The following ERC2 variants were observed in gnomAD, a reference collection of about 807,000 sequenced individuals.
ERC2 encodes ELKS/RAB6-interacting/CAST family member 2, also known as ERC protein 2.
ERC2 carries 42 observed loss-of-function variants against 114.8 expected under a neutral mutation model. That is an observed-to-expected ratio of 0.37 (90% CI 0.29 to 0.47). The LOEUF (loss-of-function observed/expected upper bound fraction) is 0.47, where lower values mean the gene tolerates loss of function less well. ERC2 is among the 20% of genes least tolerant of loss of function. The probability of loss-of-function intolerance (pLI) is 0.99; values close to 1 mark genes in which losing one functional copy is unlikely to be tolerated. For missense variants in ERC2, 939 were observed against 1,150.7 expected, an observed-to-expected ratio of 0.82 and a Z score of 2.66; for synonymous variants, 454 against 425.5, an observed-to-expected ratio of 1.07 and a Z score of -0.82.
chr3:56,374,790 A>T (rs1193984414), intron 2 of ERC2, among the ~76,000 whole-genome samples: 5 of 152,222 alleles, frequency 3.3e-5, no homozygotes, highest in Non-Finnish European at 7.3e-5. Flanking sequence ...AGCAGGAGAC[A>T]TCAACAGAGC....
chr3:55,809,489 G>A (rs2059631997), intron 14 of ERC2, among the ~76,000 whole-genome samples: 1 of 152,122 alleles, frequency 6.6e-6, no homozygotes, highest in Non-Finnish European at 1.5e-5. Context: ...TATCTCAGTA[G>A]TATTTGCAAA....
chr3:56,318,578 A>G (rs1437091366), intron 2 of ERC2, among the ~76,000 whole-genome samples: 1 of 151,638 alleles, frequency 6.6e-6, no homozygotes, highest in Non-Finnish European at 1.5e-5. Flanking sequence ...AGGAACTTCT[A>G]CAACTCAAAA....
chr3:56,443,162 T>C (rs2062396098), intron 1 of ERC2, among the ~76,000 whole-genome samples: 1 of 152,196 alleles, frequency 6.6e-6, no homozygotes, highest in Non-Finnish European at 1.5e-5. Flanking sequence ...GGAATACAAG[T>C]CAGCCATTGA....
chr3:56,331,423 CT>C (rs1394126261), intron 2 of ERC2, among the ~76,000 whole-genome samples: 2 of 152,156 alleles, frequency 1.3e-5, no homozygotes, highest in African/African-American at 4.8e-5. Context: ...CCCAATCTCT[CT>C]CCCCCATTAC....
At chr3:55,845,252 C>A (rs2061303792) in intron 14 of ERC2, among the ~76,000 whole-genome samples, 1 of 152,102 alleles carries the variant, frequency 6.6e-6, no homozygotes, top group Admixed American at 6.6e-5. Flanking sequence ...CGCCTGTAAT[C>A]CCAGCACTTT....
intron 2 of ERC2, among the ~76,000 whole-genome samples, chr3:56,432,867 C>T (rs1362824325): frequency 1.3e-5 from 2 of 152,190 alleles, no homozygotes; most frequent in Non-Finnish European, 2.9e-5. Flanking sequence ...ATCACATTCC[C>T]TATGCCCCAG....
At chr3:55,983,378 C>T (rs2070317193) in intron 12 of ERC2, among the ~76,000 whole-genome samples, 1 of 152,154 alleles carries the variant, frequency 6.6e-6, no homozygotes, top group Admixed American at 6.5e-5. Flanking sequence ...TCACGTAAAC[C>T]CTCCCCCGAG....
At chr3:56,276,979 A>G (rs1001769316) in intron 3 of ERC2, among the ~76,000 whole-genome samples, 2 of 152,240 alleles carry the variant, frequency 1.3e-5, no homozygotes, top group Non-Finnish European at 2.9e-5. Context: ...CCGAGGCCAT[A>G]CATGCCCCCA....
Position 56,335,238 on chromosome 3 carries a change from A to G in ERC2, c.658-38803T>C, listed in dbSNP as rs191075758. On this transcript the variant is annotated intron_variant, in intron 2 of 17. Coordinates refer to ENST00000288221, the MANE Select transcript of ERC2 (RefSeq NM_015576.3). ...GCTGGTGGATATTCTATTCAACTAT[A>G]TGACGTAAGACACTATTTAACATGC... is the stretch of plus-strand genomic sequence containing the variant. Among the ~76,000 whole-genome samples the G allele has an allele frequency of 4.3e-3, 650 of 152,350 alleles. 5 individuals carry two copies. The highest frequency in any genetic ancestry group is 6.0e-3 in the Non-Finnish European group (407 of 68,038).
chr3:56,438,286 T>C (rs929817269), intron 1 of ERC2, among the ~76,000 whole-genome samples: 1 of 152,204 alleles, frequency 6.6e-6, no homozygotes, highest in East Asian at 1.9e-4. Flanking sequence ...CCTTGCCCTA[T>C]CTGCTTCCTT....
chr3:55,515,554 C>CTTT (rs34992425), intron 17 of ERC2, among the ~76,000 whole-genome samples: 3 of 144,890 alleles, frequency 2.1e-5, no homozygotes, highest in Non-Finnish European at 3.0e-5. Flanking sequence ...CTCCTTCAGA[C>CTTT]TTTTTTTTTT....
At chr3:56,358,822 G>A (rs906716564) in intron 2 of ERC2, among the ~76,000 whole-genome samples, 90 of 152,184 alleles carry the variant, frequency 5.9e-4, no homozygotes, top group African/African-American at 2.0e-3. Flanking sequence ...CATGTAAGAC[G>A]TTTAATATAC....
intron 15 of ERC2, among the ~76,000 whole-genome samples, chr3:55,705,249 C>G (rs2063422376): frequency 6.6e-6 from 1 of 152,086 alleles, no homozygotes; most frequent in South Asian, 2.1e-4. Context: ...GGTCAAACGC[C>G]CCTTGAGTTA....
chr3:55,667,129 AAGATAATATAAC>A (rs2061386755), intron 17 of ERC2, among the ~76,000 whole-genome samples: 2 of 152,186 alleles, frequency 1.3e-5, no homozygotes, highest in South Asian at 4.1e-4. Context: ...AGGATAATGG[AAGATAATATAAC>A]AGCTAAAACA....
At chr3:56,302,535 A>G (rs1367622802) in intron 2 of ERC2, among the ~76,000 whole-genome samples, 2 of 152,236 alleles carry the variant, frequency 1.3e-5, no homozygotes, top group East Asian at 3.8e-4. Context: ...TGAACGCTCT[A>G]GCAAAGCCAC....
At chr3:56,270,308 CAA>C (rs961443900) in intron 3 of ERC2, among the ~76,000 whole-genome samples, 5 of 152,186 alleles carry the variant, frequency 3.3e-5, no homozygotes, top group African/African-American at 1.2e-4. Context: ...AGAATTTTCC[CAA>C]GAGAGTAGAT....
intron 2 of ERC2, among the ~76,000 whole-genome samples, chr3:56,334,192 A>G (rs1172740546): frequency 2.0e-5 from 3 of 152,226 alleles, no homozygotes; most frequent in Non-Finnish European, 4.4e-5. Context: ...GCCAAGGTAC[A>G]AGAAGGTGCC....
rs1167234120 is a variant in ERC2, at chr3:56,157,215, G to A, written c.1150-8083C>T. Among the ~76,000 whole-genome samples, 3 of 152,288 alleles carry A rather than the reference G, an allele frequency of 2.0e-5. No individual in the cohort carries two copies. The East Asian group carries it at 5.8e-4, about 29-fold the overall frequency. On this transcript the variant is annotated intron_variant, in intron 4 of 17. Coordinates refer to ENST00000288221, the MANE Select transcript of ERC2 (RefSeq NM_015576.3). ...CCACAGGCCAACCTCAGAAGGGACT[G>A]GCTTCAGAGAATGTATGCTATTCTG...
intron 13 of ERC2, among the ~76,000 whole-genome samples, chr3:55,926,763 G>A (rs2065777731): frequency 6.6e-6 from 1 of 152,066 alleles, no homozygotes; most frequent in African/African-American, 2.4e-5. Flanking sequence ...GTCCTCCACA[G>A]CACTCCACAA....
Sources: allele counts gnomAD v4.1 joint callset (sites outside exome capture counted in the v4.1 genomes callset), GRCh38; gene constraint gnomAD v4.1.1; transcripts MANE v1.5; gene names NCBI Gene and HGNC (gene_info 2026-07-23, HGNC 2026-07-21).